Variants in ITGBL1 observed in about 807,000 individuals in gnomAD.
The protein encoded by ITGBL1 is integrin beta-like protein 1.
ITGBL1 carries 51 observed loss-of-function variants against 68.5 expected under a neutral mutation model. That is an observed-to-expected ratio of 0.74 (90% CI 0.59 to 0.94). The LOEUF is 0.94. Ranked by LOEUF, ITGBL1 falls within the 40% of genes least tolerant of loss-of-function variation. The pLI is 0.00. For missense variants in ITGBL1, 649 were observed against 647.4 expected (o/e 1.00, Z -0.03); for synonymous variants, 209 against 227.3 (o/e 0.92, Z 0.72).
intron 7 of ITGBL1, among the ~76,000 whole-genome samples, chr13:101,675,847 C>T (rs9518485): frequency 0.16 from 24,981 of 152,036 alleles, 2,661 homozygotes; most frequent in Admixed American, 0.26. Flanking sequence ...TGCTCCTTTC[C>T]CCAATTCTTT....
intron 7 of ITGBL1, among the ~76,000 whole-genome samples, chr13:101,656,060 AG>A (rs944117436): frequency 1.3e-4 from 20 of 151,946 alleles, no homozygotes; most frequent in South Asian, 6.2e-4. Flanking sequence ...GAGGTGGGGG[AG>A]GGGGGCTTCC....
At chr13:101,507,955 C>A (rs9518424) in intron 2 of ITGBL1, among the ~76,000 whole-genome samples, 15,721 of 152,096 alleles carry the variant, frequency 0.1, 1,065 homozygotes, top group East Asian at 0.2. Context: ...TTGTAGTTTT[C>A]TTTTGTCTGG....
chr13:101,513,858 A>G (rs1025009032), intron 2 of ITGBL1, among the ~76,000 whole-genome samples: 5 of 152,140 alleles, frequency 3.3e-5, no homozygotes, highest in African/African-American at 1.2e-4. Flanking sequence ...AATATCATAC[A>G]TGTGATACTC....
intron 7 of ITGBL1, among the ~76,000 whole-genome samples, chr13:101,657,915 C>A (rs993541725): frequency 7.2e-5 from 11 of 152,262 alleles, no homozygotes; most frequent in African/African-American, 2.4e-4. Context: ...TTGGGTAGCA[C>A]ACAAGAGAAA....
chr13:101,672,340 G>A (rs1262639484), intron 7 of ITGBL1, among the ~76,000 whole-genome samples: 1 of 152,202 alleles, frequency 6.6e-6, no homozygotes, highest in Non-Finnish European at 1.5e-5. Flanking sequence ...GAATATGGGA[G>A]TCCTCAGTAA....
At chr13:101,678,485 T>A (rs1406076582) in intron 7 of ITGBL1, among the ~76,000 whole-genome samples, 1 of 150,582 alleles carries the variant, frequency 6.6e-6, no homozygotes, top group African/African-American at 2.4e-5. Context: ...ATTAAGGAAG[T>A]GACAGATTCA....
chr13:101,632,923 C>A (rs997813800), intron 7 of ITGBL1, among the ~76,000 whole-genome samples: 1 of 152,146 alleles, frequency 6.6e-6, no homozygotes, highest in African/African-American at 2.4e-5. Flanking sequence ...AATGGCAAAG[C>A]AGAGGTTCTC....
At chr13:101,598,561 A>G (rs1163649671) in intron 7 of ITGBL1, among the ~76,000 whole-genome samples, 1 of 151,974 alleles carries the variant, frequency 6.6e-6, no homozygotes, top group East Asian at 1.9e-4. Flanking sequence ...CATTAGGTAT[A>G]TCTCCTAATG....
intron 8 of ITGBL1, among the ~76,000 whole-genome samples, chr13:101,701,542 T>A (rs1017862884): frequency 6.6e-6 from 1 of 151,718 alleles, no homozygotes; most frequent in African/African-American, 2.4e-5. Context: ...AAAAATAAAA[T>A]AAAATAATAA....
At chr13:101,642,896 G>A (rs2032430951) in intron 7 of ITGBL1, among the ~76,000 whole-genome samples, 1 of 151,418 alleles carries the variant, frequency 6.6e-6, no homozygotes, top group Non-Finnish European at 1.5e-5. Context: ...TTATTTCTGA[G>A]GGCTCTGTTC....
At position 101,574,236 on chromosome 13, in the gene ITGBL1, C is replaced by T. The variant is rs1325306463; in HGVS notation, c.464-1188C>T. 4.7e-5 allele frequency among the ~76,000 whole-genome samples: 6 copies of T among 127,748 alleles called. No homozygotes were observed. The East Asian group carries it at 1.2e-3, about 26-fold the overall frequency. 83.8% of individuals were successfully genotyped at this position (127,748 alleles called of 152,430 possible). On this transcript the variant is annotated intron_variant, in intron 3 of 10. Transcript: ENST00000376180. ...GCACCTCAGGTTGCTTTATTCATTT[C>T]ATGCCACTTTTCATGCTGTTCTCAT...
intron 2 of ITGBL1, among the ~76,000 whole-genome samples, chr13:101,458,824 G>T (rs915228552): frequency 1.3e-5 from 2 of 152,054 alleles, no homozygotes; most frequent in Non-Finnish European, 2.9e-5. Flanking sequence ...GTTTTAATCT[G>T]CCAATGAGGA....
chr13:101,611,250 A>G (rs1313064672), intron 7 of ITGBL1, among the ~76,000 whole-genome samples: 11 of 152,212 alleles, frequency 7.2e-5, no homozygotes, highest in Non-Finnish European at 1.5e-4. Flanking sequence ...ACGTTGCTTC[A>G]TGCCCATCCA....
chr13:101,654,531 G>A (rs982004763), intron 7 of ITGBL1, among the ~76,000 whole-genome samples: 3 of 152,134 alleles, frequency 2.0e-5, no homozygotes, highest in Admixed American at 2.0e-4. Context: ...AGGAATCAAG[G>A]TCATTTTTGG....
intron 7 of ITGBL1, among the ~76,000 whole-genome samples, chr13:101,644,732 C>T (rs2032504046): frequency 6.6e-6 from 1 of 152,008 alleles, no homozygotes; most frequent in African/African-American, 2.4e-5. Flanking sequence ...TAAGAAAAAT[C>T]CAGTAACTCT....
intron 8 of ITGBL1, among the ~76,000 whole-genome samples, chr13:101,697,567 C>A (rs1555367471): frequency 6.6e-6 from 1 of 152,158 alleles, no homozygotes; most frequent in Non-Finnish European, 1.5e-5. Context: ...CGAATGGGAA[C>A]CCTGTATTCA....
At chr13:101,606,126 A>G (rs1341320784) in intron 7 of ITGBL1, among the ~76,000 whole-genome samples, 1 of 145,270 alleles carries the variant, frequency 6.9e-6, no homozygotes, top group Admixed American at 7.0e-5. Flanking sequence ...ATATATATAT[A>G]GCCTTCACGT....
intron 2 of ITGBL1, among the ~76,000 whole-genome samples, chr13:101,556,583 G>T (rs1216882085): frequency 6.6e-6 from 1 of 152,118 alleles, no homozygotes; most frequent in Non-Finnish European, 1.5e-5. Flanking sequence ...GGTGAGCCGA[G>T]ATTGTGCCAT....
chr13:101,679,315 A>G (rs1358976831), intron 7 of ITGBL1, among the ~76,000 whole-genome samples: 3 of 152,224 alleles, frequency 2.0e-5, no homozygotes, highest in Admixed American at 6.5e-5. Flanking sequence ...TTTATCTCAT[A>G]AAGTAATTTT....
Sources: allele counts gnomAD v4.1 joint callset (sites outside exome capture counted in the v4.1 genomes callset), GRCh38; gene constraint gnomAD v4.1.1; transcripts MANE v1.5; gene names NCBI Gene and HGNC (gene_info 2026-07-23, HGNC 2026-07-21).